TPSG1: variants seen among roughly 807,000 people sequenced by gnomAD.
The protein encoded by TPSG1 is tryptase gamma 1.
TPSG1 carries 43 observed loss-of-function variants against 23.8 expected under a neutral mutation model. That is an observed-to-expected ratio of 1.81 (90% confidence interval 1.42 to 2.33). The LOEUF (loss-of-function observed/expected upper bound fraction) is 2.33, where lower values mean the gene tolerates loss of function less well. Ranked by LOEUF, TPSG1 falls within the 30% of genes most tolerant of loss-of-function variation. TPSG1 has a pLI of 0.00. For missense variants in TPSG1, 623 were observed against 438.6 expected (o/e 1.42, Z -3.75); for synonymous variants, 302 against 201.3 (o/e 1.50, Z -4.23).
intron 4 of TPSG1, 109 bp from the exon 5 acceptor site, chr16:1,222,450 C>T (rs941523942): frequency 2.4e-5 from 30 of 1,253,780 alleles, no homozygotes; most frequent in Admixed American, 6.7e-5. Flanking sequence ...ACCCTCGTCA[C>T]GGCACGTGGG....
In TPSG1 at chr16:1,222,662, C is replaced by T. The variant is rs559721433; in HGVS notation, c.501G>A (p.Thr167=). ...IRCWVTGWGY[T]REGEPLPPPY... The stretch of plus-strand genomic sequence containing the variant: ...ACGGGGGCTCCTCACCTCCCTCCCG[C>T]GTATAGCCCCAGCCGGTCACCCAGC... The change falls in exon 4 of 6, where the codon ACG becomes ACA. Residue 167 remains threonine, a synonymous_variant. Coordinates refer to ENST00000234798, the MANE Select transcript of TPSG1 (RefSeq NM_012467.4). 86 of 1,556,222 alleles carry T rather than the reference C, an allele frequency of 5.5e-5. 1 individual carries two copies. Among genetic ancestry groups the T allele is most frequent in the African/African-American group, 1.1e-4 (8 of 73,892 alleles).
Position 1,222,235 on chromosome 16 carries a change from G to A in TPSG1, c.618C>T (p.Pro206=), listed in dbSNP as rs562842971. 106 of 1,612,010 alleles carry A rather than the reference G, an allele frequency of 6.6e-5. No individual in the cohort carries two copies. The highest frequency in any genetic ancestry group is 2.3e-4 in the South Asian group (21 of 91,048). ...CGGGGCCCCGGGCACACAGCATGTC[G>A]GGCTGAAGGATGCTGCCCCCGGGGC... is the stretch of plus-strand genomic sequence containing the variant. ...YPGPGGSILQ[P]DMLCARGPGD... is the part of the protein sequence containing the mutation. The change falls in exon 5 of 6, where the codon CCC becomes CCT. Residue 206 remains proline (P), a synonymous_variant. Coordinates refer to ENST00000234798, the MANE Select transcript of TPSG1 (RefSeq NM_012467.4).
chr16:1,222,906 G>A lies in TPSG1; in HGVS notation c.257C>T (p.Ser86Leu). ...AAHCFSGSLN[S>L]SDYQVHLGEL... ...CCCCAGGTGCACCTGGTAGTCGGAT[G>A]AGTTCAGGGACCTGGGAGGGAAGGT... The change falls in exon 4 of 6, where the codon TCA (serine) becomes TTA (leucine). Residue 86 changes from serine (S) to leucine (L), a missense_variant. Transcript: ENST00000234798. 6.2e-7 allele frequency: 1 copy of A among 1,604,500 alleles called. No individual in the cohort carries two copies. The highest frequency in any genetic ancestry group is 1.1e-5 in the South Asian group (1 of 89,868).
chr16:1,223,346 A>C (rs117636154), intron 3 of TPSG1, 77 bp downstream of exon 3: 81,820 of 1,450,170 alleles, frequency 0.056, 2,547 homozygotes, highest in Middle Eastern at 0.11. Context: ...GTCAAGACCA[A>C]GTGGAGGCCT....
intron 1 of TPSG1, chr16:1,224,860 T>G: frequency 1.6e-6 from 1 of 612,088 alleles, no homozygotes; most frequent in Non-Finnish European, 2.9e-6. Context: ...GCCTCAGGCC[T>G]GGGCCTCCTC....
chr16:1,225,118 C>T, intron 1 of TPSG1, 89 bp downstream of exon 1: 3 of 1,490,920 alleles, frequency 2.0e-6, no homozygotes, highest in Admixed American at 2.1e-5. Context: ...GTTTCTCCGT[C>T]TCAGACCAGC....
At chr16:1,224,812 C>T (rs1180728384) in intron 1 of TPSG1, 184 bp from the exon 2 acceptor site, 1 of 719,880 alleles carries the variant, frequency 1.4e-6, no homozygotes, top group South Asian at 1.9e-5. Flanking sequence ...GTGGGACAAG[C>T]CACAGGCCAT....
intron 2 of TPSG1, 94 bp downstream of exon 2, chr16:1,224,508 C>T: frequency 6.5e-7 from 1 of 1,538,426 alleles, no homozygotes; most frequent in Non-Finnish European, 8.9e-7. Context: ...CCCGGGCCCC[C>T]ATTGGGACCC....
Position 1,222,284 on chromosome 16 carries a change from T to C in TPSG1, c.569A>G (p.Glu190Gly). The part of the protein sequence containing the change: ...REVKVSVVDT[E>G]TCRRDYPGPG... ...GCCGGGATAGTCCCGGCGGCAGGTC[T>C]CTGTGTCCACCACGGAGACTTTCAC... Residue 190 changes from glutamate (E) to glycine (G), a missense_variant, in exon 5 of 6, where the codon GAG becomes GGG. Physicochemically the swap from Glu to Gly is moderately conservative, Grantham distance 98. Coordinates refer to ENST00000234798, the MANE Select transcript of TPSG1 (RefSeq NM_012467.4). The C allele has an allele frequency of 6.2e-7, 1 of 1,611,528 alleles. No homozygotes were observed. The highest frequency in any genetic ancestry group is 8.5e-7 in the Non-Finnish European group (1 of 1,179,524).
In TPSG1 at chr16:1,222,878, T is replaced by C. The variant is rs2029891783; in HGVS notation, c.285A>G (p.Glu95=). 6.2e-7 allele frequency: 1 copy of C among 1,609,008 alleles called. No homozygotes were observed. The highest frequency in any genetic ancestry group is 1.3e-5 in the African/African-American group (1 of 74,856). The part of the protein sequence containing the change: ...NSSDYQVHLG[E]LEITLSPHFS... ...AGTGGGGAGACAGAGTGATCTCCAG[T>C]TCCCCCAGGTGCACCTGGTAGTCGG... The change falls in exon 4 of 6, where the codon GAA becomes GAG. Residue 95 remains glutamate, a synonymous_variant. Coordinates refer to ENST00000234798, the MANE Select transcript of TPSG1 (RefSeq NM_012467.4).
intron 2 of TPSG1, chr16:1,223,855 A>G (rs2030003319): frequency 7.9e-6 from 4 of 507,876 alleles, no homozygotes. Flanking sequence ...AGGCGGTGGA[A>G]AGGCTGCAGA....
chr16:1,224,474 A>G (rs2030038696), intron 2 of TPSG1, 128 bp downstream of exon 2: 2 of 1,262,948 alleles, frequency 1.6e-6, no homozygotes, highest in African/African-American at 1.5e-5. Context: ...GCGAGCAGAA[A>G]CCACGGCGAC....
intron 2 of TPSG1, 26 bp downstream of exon 2, chr16:1,224,576 A>G (rs780264987): frequency 6.2e-7 from 1 of 1,613,142 alleles, no homozygotes. Context: ...ACCCTCCCCC[A>G]CACCCCACAC....
rs142209922 is a variant in TPSG1, at chr16:1,222,272, C to T, written c.581G>A (p.Arg194Gln). 248 of 1,611,930 alleles carry T rather than the reference C, an allele frequency of 1.5e-4. 1 individual carries two copies. The East Asian group carries it at 4.6e-3, about 30-fold the overall frequency. The part of the protein sequence containing the change: ...VSVVDTETCR[R>Q]DYPGPGGSIL... Reference sequence around the variant, plus strand: ...GCTGCCCCCGGGGCCGGGATAGTCCCGGCGGCAGGTCTCTGTGTCCACCAC... The same window carrying T: ...GCTGCCCCCGGGGCCGGGATAGTCCTGGCGGCAGGTCTCTGTGTCCACCAC... Residue 194 changes from arginine to glutamine, a missense_variant, in exon 5 of 6, where the codon CGG becomes CAG. By Grantham distance (43) the Arg-to-Gln change is conservative (BLOSUM62 1). Coordinates refer to ENST00000234798, the MANE Select transcript of TPSG1 (RefSeq NM_012467.4).
chr16:1,223,022 T>G, intron 3 of TPSG1, 105 bp from the exon 4 acceptor site: 1 of 1,362,926 alleles, frequency 7.3e-7, no homozygotes, highest in Non-Finnish European at 9.8e-7. Flanking sequence ...GCCCAGCTCT[T>G]CCCTCCTAGG....
At chr16:1,225,086 C>G in intron 1 of TPSG1, 121 bp downstream of exon 1, 1 of 1,313,686 alleles carries the variant, frequency 7.6e-7, no homozygotes, top group Non-Finnish European at 1.0e-6. Flanking sequence ...ACACGGGGCC[C>G]CACAGGGTGG....
intron 2 of TPSG1, among the ~76,000 whole-genome samples, 189 bp downstream of exon 2, chr16:1,224,413 G>A (rs1188843279): frequency 1.3e-5 from 2 of 152,076 alleles, no homozygotes; most frequent in East Asian, 3.9e-4. Context: ...AGTGGTGGTG[G>A]GGGAGACAGC....
At position 1,222,661 on chromosome 16, in the gene TPSG1, G is replaced by C. The variant is rs112491357; in HGVS notation, c.502C>G (p.Arg168Gly). The C allele has an allele frequency of 9.0e-6, 14 of 1,553,930 alleles. No homozygotes were observed. Among genetic ancestry groups the C allele is most frequent in the Non-Finnish European group, 1.0e-5 (12 of 1,144,368 alleles). The change falls in exon 4 of 6, where the codon CGG becomes GGG. Residue 168 changes from arginine to glycine, a missense_variant. By Grantham distance (125) the Arg-to-Gly change is moderately radical (BLOSUM62 -2). Transcript: ENST00000234798. ...CACGGGGGCTCCTCACCTCCCTCCC[G>C]CGTATAGCCCCAGCCGGTCACCCAG... The part of the protein sequence containing the change: ...RCWVTGWGYT[R>G]EGEPLPPPYS...
intron 2 of TPSG1, chr16:1,223,814 C>T (rs1249112428): frequency 2.3e-5 from 13 of 560,284 alleles, no homozygotes; most frequent in South Asian, 1.7e-4. Context: ...TTTCTAAGCA[C>T]CATGCTCCAC....
Sources: gnomAD v4.1 joint callset for allele counts (sites outside exome capture counted in the v4.1 genomes callset) on GRCh38, gnomAD v4.1.1 for gene constraint, MANE v1.5 for transcripts, NCBI Gene and HGNC (gene_info 2026-07-23, HGNC 2026-07-21) for gene names.